STAU2: variants seen among roughly 807,000 people sequenced by gnomAD.
STAU2 encodes double-stranded RNA-binding protein Staufen homolog 2.
Under a neutral mutation model 65.9 loss-of-function variants are expected in STAU2, and 20 were observed. The observed-to-expected ratio is 0.30, with a 90% CI of 0.21 to 0.44. STAU2 has a LOEUF of 0.44. Ranked by LOEUF, STAU2 falls within the 20% of genes least tolerant of loss-of-function variation. The probability of loss-of-function intolerance (pLI) is 1.00; values close to 1 mark genes in which losing one functional copy is unlikely to be tolerated. For synonymous variants in STAU2, 232 were observed against 233.9 expected (o/e 0.99, Z 0.07); for missense variants, 558 against 683.9 (o/e 0.82, Z 2.05).
At chr8:73,536,165 C>T (rs1447919395) in intron 13 of STAU2, among the ~76,000 whole-genome samples, 1 of 152,058 alleles carries the variant, frequency 6.6e-6, no homozygotes, top group African/African-American at 2.4e-5. Context: ...GCTCTGGACG[C>T]TATATATAAA....
At chr8:73,706,163 C>T (rs1820487710) in intron 4 of STAU2, among the ~76,000 whole-genome samples, 1 of 152,046 alleles carries the variant, frequency 6.6e-6, no homozygotes, top group African/African-American at 2.4e-5. Context: ...GTAGCCCAAA[C>T]TGGAGTGCAG....
intron 6 of STAU2, among the ~76,000 whole-genome samples, chr8:73,623,834 T>A (rs1187855671): frequency 6.6e-6 from 1 of 152,212 alleles, no homozygotes; most frequent in Non-Finnish European, 1.5e-5. Flanking sequence ...GTTCTTTCTC[T>A]ATTCATATCT....
At chr8:73,636,744 T>C (rs943729213) in intron 6 of STAU2, among the ~76,000 whole-genome samples, 6 of 151,306 alleles carry the variant, frequency 4.0e-5, no homozygotes, top group African/African-American at 1.5e-4. Context: ...ACAGCTGTAA[T>C]CCCAGCTACT....
At chr8:73,705,311 T>G (rs182467027) in intron 4 of STAU2, among the ~76,000 whole-genome samples, 33 of 152,268 alleles carry the variant, frequency 2.2e-4, no homozygotes, top group African/African-American at 7.5e-4. Context: ...GCTGGGCAAC[T>G]CTAGCGAAGA....
At chr8:73,658,494 T>C (rs1337233448) in intron 6 of STAU2, among the ~76,000 whole-genome samples, 1 of 152,204 alleles carries the variant, frequency 6.6e-6, no homozygotes, top group Non-Finnish European at 1.5e-5. Flanking sequence ...TATTTGATGA[T>C]CACCCAAAAT....
At chr8:73,693,643 C>T (rs1437791997) in intron 4 of STAU2, among the ~76,000 whole-genome samples, 1 of 152,148 alleles carries the variant, frequency 6.6e-6, no homozygotes, top group Non-Finnish European at 1.5e-5. Flanking sequence ...ATAAGTATTT[C>T]CAAGGCAATC....
intron 13 of STAU2, among the ~76,000 whole-genome samples, chr8:73,517,752 G>A (rs1384982260): frequency 6.6e-6 from 1 of 152,012 alleles, no homozygotes; most frequent in Non-Finnish European, 1.5e-5. Flanking sequence ...AGTGGGAGAA[G>A]GAAAGCAATA....
chr8:73,728,317 T>C (rs1320359578), intron 3 of STAU2, among the ~76,000 whole-genome samples: 4 of 152,210 alleles, frequency 2.6e-5, no homozygotes, highest in African/African-American at 9.7e-5. Flanking sequence ...AGTACCACAC[T>C]ATTTTGATCA....
intron 6 of STAU2, among the ~76,000 whole-genome samples, chr8:73,618,447 G>A (rs1463695315): frequency 1.3e-5 from 2 of 152,192 alleles, no homozygotes; most frequent in African/African-American, 2.4e-5. Flanking sequence ...AGCGAGGCGG[G>A]AGTGTGCCAC....
intron 4 of STAU2, among the ~76,000 whole-genome samples, chr8:73,696,188 A>G (rs1819684778): frequency 6.6e-6 from 1 of 152,230 alleles, no homozygotes; most frequent in Non-Finnish European, 1.5e-5. Flanking sequence ...ACCTCTAACA[A>G]GTCTCCAAAA....
chr8:73,679,050 A>G (rs567814878), intron 5 of STAU2, among the ~76,000 whole-genome samples: 2 of 152,326 alleles, frequency 1.3e-5, no homozygotes, highest in Admixed American at 1.3e-4. Context: ...TCCATAACAA[A>G]AATATCTAAG....
intron 3 of STAU2, among the ~76,000 whole-genome samples, chr8:73,715,614 CA>C (rs1430642957): frequency 6.6e-6 from 1 of 151,744 alleles, no homozygotes; most frequent in African/African-American, 2.4e-5. Context: ...CAAATTAGTA[CA>C]AAATTTCTGA....
intron 13 of STAU2, among the ~76,000 whole-genome samples, chr8:73,501,958 G>T (rs903930589): frequency 1.3e-5 from 2 of 151,924 alleles, no homozygotes; most frequent in Non-Finnish European, 2.9e-5. Context: ...TGGCCACTTG[G>T]GGGTAGGAGT....
chr8:73,712,419 T>G (rs571820928), intron 3 of STAU2, among the ~76,000 whole-genome samples: 1 of 152,124 alleles, frequency 6.6e-6, no homozygotes, highest in Non-Finnish European at 1.5e-5. Flanking sequence ...CAAAGTAAAA[T>G]AGAGATAATA....
chr8:73,671,381 A>AAAAC (rs1259907798), intron 6 of STAU2, among the ~76,000 whole-genome samples: 3 of 150,208 alleles, frequency 2.0e-5, no homozygotes, highest in Admixed American at 1.3e-4. Context: ...CTTCATCTAA[A>AAAAC]AAACAAACAA....
intron 13 of STAU2, among the ~76,000 whole-genome samples, chr8:73,504,480 A>T (rs1333795652): frequency 1.3e-5 from 2 of 152,096 alleles, no homozygotes; most frequent in Non-Finnish European, 2.9e-5. Flanking sequence ...GACTTTAGGG[A>T]TTACATAGAC....
chr8:73,428,273 T>C (rs1816977358), intron 13 of STAU2, among the ~76,000 whole-genome samples: 1 of 152,154 alleles, frequency 6.6e-6, no homozygotes, highest in Non-Finnish European at 1.5e-5. Context: ...TCCAATTCTA[T>C]CCATGTTGTT....
intron 9 of STAU2, among the ~76,000 whole-genome samples, chr8:73,610,347 G>T (rs1438195543): frequency 2.0e-5 from 3 of 151,616 alleles, no homozygotes; most frequent in Non-Finnish European, 2.9e-5. Flanking sequence ...GACCAGCCTG[G>T]CCAACACAGT....
At chr8:73,646,962 C>A (rs1284578793) in intron 6 of STAU2, among the ~76,000 whole-genome samples, 1 of 151,578 alleles carries the variant, frequency 6.6e-6, no homozygotes, top group Non-Finnish European at 1.5e-5. Context: ...CACACACACA[C>A]ACACACACAC....
Sources: allele counts gnomAD v4.1 joint callset (sites outside exome capture counted in the v4.1 genomes callset), GRCh38; gene constraint gnomAD v4.1.1; transcripts MANE v1.5; gene names NCBI Gene and HGNC (gene_info 2026-07-23, HGNC 2026-07-21).